The following MID1 variants were observed in gnomAD, a reference collection of about 807,000 sequenced individuals.
MID1 encodes E3 ubiquitin-protein ligase Midline-1.
MID1 carries 7 observed loss-of-function variants against 40.4 expected under a neutral mutation model. That is an observed-to-expected ratio of 0.17 (90% CI 0.10 to 0.33). The LOEUF (loss-of-function observed/expected upper bound fraction) is 0.33, where lower values mean the gene tolerates loss of function less well. MID1 is among the 10% of genes least tolerant of loss of function. The pLI is 1.00. For missense variants in MID1, 367 were observed against 558.5 expected, an observed-to-expected ratio of 0.66 and a Z score of 3.46; for synonymous variants, 229 against 221.2, an observed-to-expected ratio of 1.04 and a Z score of -0.31.
intron 1 of MID1, among the ~76,000 whole-genome samples, chrX:10,636,452 G>A (rs985637604): frequency 4.5e-5 from 5 of 110,267 alleles, no homozygotes; most frequent in African/African-American, 1.7e-4. Flanking sequence ...ATTGAGGAAG[G>A]AAAATTCAAA....
Position 10,537,892 on chromosome X carries a change from C to T in MID1, c.661-14705G>A, listed in dbSNP as rs779256748. Among the ~76,000 whole-genome samples, 7 of 112,124 alleles carry T rather than the reference C, an allele frequency of 6.2e-5. No homozygotes were observed. The East Asian group carries it at 1.7e-3, about 27-fold the overall frequency. The stretch of plus-strand genomic sequence containing the variant: ...AATACCAACTTTCAGCTTTGCTGGT[C>T]CCCTGTTATTTTAAACTCAACTGTC... On this transcript the variant is annotated intron_variant, in intron 2 of 9. Transcript: ENST00000317552.
At chrX:10,645,659 G>A (rs997346414) in intron 1 of MID1, among the ~76,000 whole-genome samples, 2 of 112,293 alleles carry the variant, frequency 1.8e-5, no homozygotes, top group African/African-American at 6.5e-5. Flanking sequence ...CACCTCTTAA[G>A]TACCACATCA....
rs778983073 is a variant in MID1 at position 10,700,385 on chromosome X, C to G, written c.-186-79966G>C. Reference sequence around the variant, plus strand: ...TAGGCAACATGGTGAGTCCCCATCTCTACAAAGAATACAAAAATTAGCCGG... The same window carrying G: ...TAGGCAACATGGTGAGTCCCCATCTGTACAAAGAATACAAAAATTAGCCGG... On this transcript the variant is annotated intron_variant, in intron 1 of 10. Coordinates refer to the MID1 transcript ENST00000380785. 1.2e-3 allele frequency among the ~76,000 whole-genome samples: 134 copies of G among 110,024 alleles called. 1 individual carries two copies. The highest frequency in any genetic ancestry group is 2.3e-3 in the Non-Finnish European group (119 of 52,738).
At chrX:10,595,558 C>T (rs939799345) in intron 1 of MID1, among the ~76,000 whole-genome samples, 1 of 111,170 alleles carries the variant, frequency 9.0e-6, no homozygotes, top group Non-Finnish European at 1.9e-5. Context: ...AATTTAAAAA[C>T]ATTAAAAAAG....
chrX:10,711,383 T>C (rs1304271539), intron 1 of MID1, among the ~76,000 whole-genome samples: 2 of 112,032 alleles, frequency 1.8e-5, no homozygotes, highest in Admixed American at 1.9e-4. Context: ...CAGGCCTCTG[T>C]AAATTTGGGC....
rs766904557 is a variant in MID1 at position 10,586,664 on chromosome X, G to A, written c.-56-19061C>T. On this transcript the variant is annotated intron_variant, in intron 1 of 9. Transcript: ENST00000317552. ...GTATTTATTAAAGTCACCACAGCAT[G>A]GGGGGACTTTATGTTTAGGTTTTGC... Among the ~76,000 whole-genome samples the A allele has an allele frequency of 4.2e-3, 472 of 112,284 alleles. 2 individuals are homozygous for A. Among genetic ancestry groups the A allele is most frequent in the Middle Eastern group, 9.2e-3 (2 of 217 alleles).
chrX:10,658,158 A>C (rs1162226767), intron 1 of MID1, among the ~76,000 whole-genome samples: 1 of 110,721 alleles, frequency 9.0e-6, no homozygotes, highest in Non-Finnish European at 1.9e-5. Context: ...TTTCTTAAAA[A>C]ATTGGGAATT....
chrX:10,769,773 C>A (rs950221067), intron 1 of MID1, among the ~76,000 whole-genome samples: 1 of 111,308 alleles, frequency 9.0e-6, no homozygotes, highest in African/African-American at 3.3e-5. Context: ...GGCTTCATAC[C>A]GCCTGGACAG....
At chrX:10,759,947 A>G (rs1177937424) in intron 1 of MID1, among the ~76,000 whole-genome samples, 1 of 112,097 alleles carries the variant, frequency 8.9e-6, no homozygotes, top group Non-Finnish European at 1.9e-5. Flanking sequence ...TCCTGAGGAC[A>G]CTGATCTTCT....
At chrX:10,567,693 A>C in intron 1 of MID1, 90 bp from the exon 2 acceptor site, 1 of 582,080 alleles carries the variant, frequency 1.7e-6, no homozygotes, top group Non-Finnish European at 2.9e-6. Flanking sequence ...ATAATTCCAA[A>C]CACAGGTCAT....
chrX:10,831,041 T>C (rs1348910644), intron 1 of MID1, among the ~76,000 whole-genome samples: 3 of 111,345 alleles, frequency 2.7e-5, no homozygotes, highest in African/African-American at 9.8e-5. Context: ...ATCTGCACCA[T>C]ATATGGAGGT....
intron 2 of MID1, among the ~76,000 whole-genome samples, chrX:10,558,500 G>A (rs1399632769): frequency 8.8e-6 from 1 of 113,089 alleles, no homozygotes; most frequent in Admixed American, 9.3e-5. Flanking sequence ...CCCTTTGGCA[G>A]GTGCTTTAGA....
At chrX:10,704,721 TATATATATATATATATATACACA>T (rs2043214880) in intron 1 of MID1, among the ~76,000 whole-genome samples, 1 of 77,879 alleles carries the variant, frequency 1.3e-5, no homozygotes, top group Admixed American at 1.4e-4. Flanking sequence ...TGTGTGTATA[TATATATATATATATATATACACA>T]CACACACACA....
At chrX:10,641,969 C>A (rs1451339910) in intron 1 of MID1, among the ~76,000 whole-genome samples, 1 of 112,029 alleles carries the variant, frequency 8.9e-6, no homozygotes, top group Non-Finnish European at 1.9e-5. Flanking sequence ...TTCAACAACA[C>A]TTCATGCTAA....
intron 3 of MID1, among the ~76,000 whole-genome samples, chrX:10,519,866 T>C (rs1267152738): frequency 1.8e-5 from 2 of 112,212 alleles, no homozygotes; most frequent in Non-Finnish European, 3.8e-5. Context: ...TAACCAGTTT[T>C]ACATTTCTGA....
intron 1 of MID1, among the ~76,000 whole-genome samples, chrX:10,754,016 C>T (rs1437482349): frequency 1.8e-5 from 2 of 112,382 alleles, no homozygotes; most frequent in Non-Finnish European, 3.8e-5. Context: ...CCTTTTCAGA[C>T]CTGTCACAAA....
chrX:10,744,411 TG>T (rs2043545457), intron 1 of MID1, among the ~76,000 whole-genome samples: 1 of 112,080 alleles, frequency 8.9e-6, no homozygotes, highest in Non-Finnish European at 1.9e-5. Flanking sequence ...TTGAAAGACC[TG>T]GGTCCTGTGA....
chrX:10,735,487 T>C lies in MID1; in HGVS notation c.-187+98067A>G, dbSNP rs773681965. ...TCTCTTTCTTAATTTGTTCTTGTTG[T>C]TTGTGTCATATGCCTTTTTTCTTAC... On this transcript the variant is annotated intron_variant, in intron 1 of 10. Transcript: ENST00000380785. 5.4e-5 allele frequency among the ~76,000 whole-genome samples: 6 copies of C among 112,043 alleles called. No individual in the cohort carries two copies. In the East Asian group the frequency reaches 1.7e-3, roughly 31 times the overall value.
intron 1 of MID1, among the ~76,000 whole-genome samples, chrX:10,602,366 C>T (rs1342369907): frequency 9.1e-6 from 1 of 109,356 alleles, no homozygotes; most frequent in Admixed American, 9.8e-5. Context: ...GTGTATAATT[C>T]AGTGGGTTTT....
Sources: gnomAD v4.1 joint callset for allele counts (sites outside exome capture counted in the v4.1 genomes callset) on GRCh38, gnomAD v4.1.1 for gene constraint, MANE v1.5 for transcripts, NCBI Gene and HGNC (gene_info 2026-07-23, HGNC 2026-07-21) for gene names.